Variants in SORCS3 observed in about 807,000 individuals in gnomAD.
SORCS3 encodes the protein sortilin related VPS10 domain containing receptor 3.
Under a neutral mutation model 146.3 loss-of-function variants are expected in SORCS3, and 57 were observed. The ratio of observed to expected loss-of-function variants is 0.39; its 90% confidence interval spans 0.31 to 0.49. The LOEUF (loss-of-function observed/expected upper bound fraction) is 0.49. Ranked by LOEUF, SORCS3 falls within the 20% of genes least tolerant of loss-of-function variation. The pLI, the probability that SORCS3 is intolerant of heterozygous loss-of-function variation, is 0.92. For synonymous variants in SORCS3, 653 were observed against 618.5 expected (o/e 1.06, Z -0.83); for missense variants, 1,341 against 1,575.5 (o/e 0.85, Z 2.52).
intron 1 of SORCS3, among the ~76,000 whole-genome samples, chr10:104,716,407 C>T (rs1037738726): frequency 6.6e-6 from 1 of 151,856 alleles, no homozygotes; most frequent in Non-Finnish European, 1.5e-5. Flanking sequence ...ATTAGGTAGC[C>T]TAAGAGAAGT....
chr10:104,865,957 T>C (rs2018455042), intron 2 of SORCS3, among the ~76,000 whole-genome samples: 1 of 152,232 alleles, frequency 6.6e-6, no homozygotes, highest in South Asian at 2.1e-4. Flanking sequence ...GGTCAGAGAA[T>C]AGTTTTCTAT....
intron 1 of SORCS3, among the ~76,000 whole-genome samples, chr10:104,690,349 C>A (rs1168130696): frequency 6.6e-6 from 1 of 152,112 alleles, no homozygotes; most frequent in East Asian, 1.9e-4. Flanking sequence ...CTCAGAAGTC[C>A]CCATCTCTGG....
intron 2 of SORCS3, among the ~76,000 whole-genome samples, chr10:104,862,064 G>C (rs1362694579): frequency 6.6e-6 from 1 of 152,176 alleles, no homozygotes; most frequent in African/African-American, 2.4e-5. Context: ...CAACAACTTT[G>C]TTTCCAAATA....
intron 5 of SORCS3, among the ~76,000 whole-genome samples, chr10:105,083,050 T>C (rs1051318016): frequency 6.6e-6 from 1 of 152,196 alleles, no homozygotes. Context: ...ATGAACTTTT[T>C]AAATGTTCAT....
chr10:104,973,836 G>A (rs1176486090), intron 3 of SORCS3, among the ~76,000 whole-genome samples: 2 of 146,646 alleles, frequency 1.4e-5, no homozygotes, highest in Non-Finnish European at 3.0e-5. Context: ...GGCATTTAGT[G>A]CTATAAATTT....
At chr10:105,232,707 A>G (rs977017191) in intron 20 of SORCS3, among the ~76,000 whole-genome samples, 1 of 151,910 alleles carries the variant, frequency 6.6e-6, no homozygotes, top group Non-Finnish European at 1.5e-5. Flanking sequence ...GCATCCCACA[A>G]ATGTTAGATT....
At chr10:104,751,634 G>T (rs980571616) in intron 1 of SORCS3, among the ~76,000 whole-genome samples, 4 of 151,978 alleles carry the variant, frequency 2.6e-5, no homozygotes, top group Admixed American at 2.6e-4. Flanking sequence ...TAATGTCTGG[G>T]GTCTGTATTC....
intron 1 of SORCS3, among the ~76,000 whole-genome samples, chr10:104,788,599 A>C (rs1420376841): frequency 6.6e-6 from 1 of 152,118 alleles, no homozygotes; most frequent in African/African-American, 2.4e-5. Context: ...TTTCATAGAA[A>C]ACCCTTTAGT....
chr10:105,256,069 T>C (rs1237037337), intron 24 of SORCS3, among the ~76,000 whole-genome samples: 2 of 152,226 alleles, frequency 1.3e-5, no homozygotes, highest in Admixed American at 1.3e-4. Flanking sequence ...GTCTTAACCT[T>C]ATTCGTTTGT....
intron 7 of SORCS3, among the ~76,000 whole-genome samples, chr10:105,111,059 A>G (rs1315218371): frequency 6.6e-6 from 1 of 152,144 alleles, no homozygotes; most frequent in Admixed American, 6.5e-5. Flanking sequence ...TTCCTTACCC[A>G]CCACTGCTCT....
chr10:105,216,478 CCAGA>C (rs1347677603), intron 18 of SORCS3, among the ~76,000 whole-genome samples: 1 of 151,762 alleles, frequency 6.6e-6, no homozygotes, highest in Non-Finnish European at 1.5e-5. Context: ...ATTTTTGTCC[CCAGA>C]CAAATGGGGA....
intron 1 of SORCS3, among the ~76,000 whole-genome samples, chr10:104,744,312 A>G (rs1366152850): frequency 1.3e-5 from 2 of 152,214 alleles, no homozygotes; most frequent in East Asian, 3.8e-4. Flanking sequence ...TGCTCTGGGA[A>G]CTTTTGACAT....
At chr10:104,964,855 A>G (rs2054817348) in intron 3 of SORCS3, among the ~76,000 whole-genome samples, 1 of 152,182 alleles carries the variant, frequency 6.6e-6, no homozygotes, top group Admixed American at 6.5e-5. Flanking sequence ...TATACCAACT[A>G]AACAACAACT....
At chr10:104,772,755 C>G (rs1191702355) in intron 1 of SORCS3, among the ~76,000 whole-genome samples, 1 of 152,186 alleles carries the variant, frequency 6.6e-6, no homozygotes, top group African/African-American at 2.4e-5. Flanking sequence ...CTTGAAGACT[C>G]AGATTCTCAC....
At chr10:104,966,842 C>G (rs1397804546) in intron 3 of SORCS3, among the ~76,000 whole-genome samples, 1 of 152,124 alleles carries the variant, frequency 6.6e-6, no homozygotes, top group Admixed American at 6.6e-5. Context: ...CTAAGCATAG[C>G]CCCTGCCTGA....
chr10:104,803,679 GT>G (rs1348492968), intron 1 of SORCS3, among the ~76,000 whole-genome samples: 2 of 152,132 alleles, frequency 1.3e-5, no homozygotes, highest in African/African-American at 4.8e-5. Flanking sequence ...CTGGGTTGCT[GT>G]TTATAGGGAA....
chr10:104,700,775 T>C (rs978002918), intron 1 of SORCS3, among the ~76,000 whole-genome samples: 2 of 152,156 alleles, frequency 1.3e-5, no homozygotes, highest in African/African-American at 4.8e-5. Context: ...GCCAGCCTCA[T>C]GCCTAGAATA....
chr10:104,877,204 G>A (rs909272545), intron 2 of SORCS3, among the ~76,000 whole-genome samples: 4 of 151,950 alleles, frequency 2.6e-5, no homozygotes, highest in African/African-American at 7.2e-5. Flanking sequence ...TTCTTAACCC[G>A]TATTTCACCT....
Position 104,681,857 on chromosome 10 carries a change from T to C in SORCS3, c.627+39903T>C, listed in dbSNP as rs184822396. Among the ~76,000 whole-genome samples the C allele has an allele frequency of 2.7e-3, 407 of 152,314 alleles. 1 individual carries two copies. Among genetic ancestry groups the C allele is most frequent in the Non-Finnish European group, 5.1e-3 (344 of 68,022 alleles). On this transcript the variant is annotated intron_variant, in intron 1 of 26. Transcript: ENST00000369701. ...CTCTTCTGGTTTTTACTTAAATGTGTCTTCTCAGTCCTGTCCTGGCCACCC... is the reference window on the plus strand; with the variant it reads ...CTCTTCTGGTTTTTACTTAAATGTGCCTTCTCAGTCCTGTCCTGGCCACCC...
Sources: allele counts gnomAD v4.1 joint callset (sites outside exome capture counted in the v4.1 genomes callset), GRCh38; gene constraint gnomAD v4.1.1; transcripts MANE v1.5; gene names NCBI Gene and HGNC (gene_info 2026-07-23, HGNC 2026-07-21).